Variants in TOPBP1 observed in about 807,000 individuals in gnomAD.
TOPBP1 encodes the protein DNA topoisomerase II binding protein 1, also known as DNA topoisomerase 2-binding protein 1.
In TOPBP1, 28 loss-of-function variants were observed where a neutral mutation model predicts 167.7. That is an observed-to-expected ratio of 0.17 (90% CI 0.12 to 0.23). The LOEUF (loss-of-function observed/expected upper bound fraction) is 0.23. Ranked by LOEUF, TOPBP1 falls within the 10% of genes least tolerant of loss-of-function variation. The pLI is 1.00. For synonymous variants in TOPBP1, 598 were observed against 611.4 expected, an observed-to-expected ratio of 0.98 and a Z score of 0.32; for missense variants, 1,554 against 1,809.6, an observed-to-expected ratio of 0.86 and a Z score of 2.56.
intron 23 of TOPBP1, among the ~76,000 whole-genome samples, chr3:133,614,140 A>C (rs1934780775): frequency 6.6e-6 from 1 of 152,164 alleles, no homozygotes; most frequent in Non-Finnish European, 1.5e-5. Flanking sequence ...CTCATGATTT[A>C]AGATGACTCT....
intron 14 of TOPBP1, among the ~76,000 whole-genome samples, chr3:133,634,402 G>A (rs928989922): frequency 4.6e-5 from 7 of 152,102 alleles, no homozygotes; most frequent in South Asian, 2.1e-4. Context: ...CCAGCTACTC[G>A]GGAGGCTGAG....
At chr3:133,635,231 T>G (rs1298317267) in intron 14 of TOPBP1, among the ~76,000 whole-genome samples, 1 of 152,150 alleles carries the variant, frequency 6.6e-6, no homozygotes, top group Non-Finnish European at 1.5e-5. Context: ...ATAACAGGCA[T>G]GAGCCACTAT....
chr3:133,616,122 C>CTTTTCT (rs750066310), intron 23 of TOPBP1, among the ~76,000 whole-genome samples: 20,088 of 141,182 alleles, frequency 0.14, 1,702 homozygotes, highest in Non-Finnish European at 0.2. Flanking sequence ...TTTCTTTTCC[C>CTTTTCT]TTTTTTTTTT....
rs562888192 is a variant in TOPBP1, at chr3:133,648,798, CA to C, written c.1504+584del. The stretch of plus-strand genomic sequence containing the variant: ...GCGCAACAAGAGCGAAATCCTGCTT[CA>C]AAAAAAAAAAAAGTTTTCTAAGGTT... On this transcript the variant is annotated intron_variant, in intron 10 of 27. Coordinates refer to ENST00000260810, the MANE Select transcript of TOPBP1 (RefSeq NM_007027.4). 2.6e-3 allele frequency among the ~76,000 whole-genome samples: 349 copies of C among 132,222 alleles called. 1 individual carries two copies. The highest frequency in any genetic ancestry group is 0.016 in the South Asian group (68 of 4,196). The allele number at this position is 132,222 out of a possible 152,430, so 86.7% of individuals were successfully genotyped here.
In TOPBP1 at chr3:133,659,093, A is replaced by T; in HGVS notation, c.142T>A (p.Leu48Met). 6.3e-7 allele frequency: 1 copy of T among 1,590,912 alleles called. No individual in the cohort carries two copies. The highest frequency in any genetic ancestry group is 8.6e-7 in the Non-Finnish European group (1 of 1,167,768). ...GATCTATCATTCTCCTTTATCTTCA[A>T]TGCCTCTTCTTCTGTAATAATCTGA... is the stretch of plus-strand genomic sequence containing the variant. ...YLQIITEEEA[L>M]KIKENDRSLY... The change falls in exon 3 of 28, where the codon TTG becomes ATG. Residue 48 changes from leucine (L) to methionine (M), a missense_variant. Physicochemically the swap from Leu to Met is conservative, Grantham distance 15 (BLOSUM62 2). This residue lies in a region of TOPBP1 where 1,197 missense variants were observed against 1,351.5 expected (regional missense o/e 0.89). Transcript: ENST00000260810.
Position 133,644,050 on chromosome 3 carries a change from A to C in TOPBP1, c.1818T>G (p.Thr606=). 1 of 1,607,624 alleles carries C rather than the reference A, an allele frequency of 6.2e-7. No individual in the cohort carries two copies. The highest frequency in any genetic ancestry group is 8.5e-7 in the Non-Finnish European group (1 of 1,177,400). Residue 606 remains threonine, a synonymous_variant, in exon 11 of 28, where the codon ACT becomes ACG. Coordinates refer to ENST00000260810, the MANE Select transcript of TOPBP1 (RefSeq NM_007027.4). The part of the protein sequence containing the change: ...VPLLGCEVEA[T]VGEVVTNTWL... ...ATGTATTTGTAACAACTTCTCCCACAGTGGCTTCCACTTCACACCCCAGCA... is the reference window on the plus strand; with the variant it reads ...ATGTATTTGTAACAACTTCTCCCACCGTGGCTTCCACTTCACACCCCAGCA...
intron 5 of TOPBP1, 34 bp downstream of exon 5, chr3:133,656,642 T>C (rs1236370344): frequency 1.3e-6 from 2 of 1,542,902 alleles, no homozygotes; most frequent in East Asian, 2.3e-5. Flanking sequence ...CATCATTTTT[T>C]CAAATCTAGA....
In TOPBP1 at chr3:133,653,383, T is replaced by C. The variant is rs760071224; in HGVS notation, c.884A>G (p.Asn295Ser). The change falls in exon 7 of 28, where the codon AAT (asparagine) becomes AGT (serine). Residue 295 changes from asparagine to serine, a missense_variant. Physicochemically the swap from Asn to Ser is conservative, Grantham distance 46. Transcript: ENST00000260810. ...EPRPEAKTMPNSSTPTSQINT... is the reference protein window; with the variant it reads ...EPRPEAKTMPSSSTPTSQINT... ...GATCTGGCTGGTAGGAGTTGAAGAATTGGGCATAGTCTTTGCTTCTGGTCT... is the reference window on the plus strand; with the variant it reads ...GATCTGGCTGGTAGGAGTTGAAGAACTGGGCATAGTCTTTGCTTCTGGTCT... The C allele has an allele frequency of 7.5e-6, 12 of 1,607,538 alleles. No individual in the cohort carries two copies. In the South Asian group the frequency reaches 1.1e-4, roughly 15 times the overall value.
chr3:133,653,576 G>A, intron 6 of TOPBP1, 52 bp from the exon 7 acceptor site: 2 of 1,367,874 alleles, frequency 1.5e-6, no homozygotes, highest in East Asian at 5.2e-5. Context: ...ACCAAGAAAT[G>A]AAAACCATTA....
At position 133,649,924 on chromosome 3, in the gene TOPBP1, C is replaced by G. The variant is rs575142521; in HGVS notation, c.1109G>C (p.Ser370Thr). 37 of 1,598,334 alleles carry G rather than the reference C, an allele frequency of 2.3e-5. No individual in the cohort carries two copies. In the South Asian group the frequency reaches 4.0e-4, roughly 17 times the overall value. ...DGCRIYLCGF[S>T]GRKLDKLRRL... ...TCTCAGTTTATCTAGCTTTCTGCCA[C>G]TAAAACCGCAAAGATATATCTGCAA... The change falls in exon 9 of 28, where the codon AGT (serine) becomes ACT (threonine). Residue 370 changes from serine (S) to threonine (T), a missense_variant. Coordinates refer to ENST00000260810, the MANE Select transcript of TOPBP1 (RefSeq NM_007027.4).
chr3:133,611,104 T>C lies in TOPBP1; in HGVS notation c.4073A>G (p.Asp1358Gly), dbSNP rs528235310. ...CTGTACATTGATTCCAGTCAGAACA[T>C]CAAGTATGGAACTACTTCCCCATTC... ...DYEWGSSSIL[D>G]VLTGINVQQR... Residue 1358 changes from aspartate to glycine, a missense_variant, in exon 25 of 28, where the codon GAT (aspartate) becomes GGT (glycine). Transcript: ENST00000260810. 6.2e-7 allele frequency: 1 copy of C among 1,613,148 alleles called. No homozygotes were observed. The highest frequency in any genetic ancestry group is 2.2e-5 in the East Asian group (1 of 44,866).
At chr3:133,608,383 T>C (rs1296187387) in intron 27 of TOPBP1, among the ~76,000 whole-genome samples, 152 bp downstream of exon 27, 3 of 152,110 alleles carry the variant, frequency 2.0e-5, no homozygotes, top group African/African-American at 7.2e-5. Flanking sequence ...AAAACACAAA[T>C]AGAATAAAAC....
intron 2 of TOPBP1, among the ~76,000 whole-genome samples, chr3:133,659,970 A>G (rs988677273): frequency 2.6e-5 from 4 of 152,134 alleles, no homozygotes; most frequent in Admixed American, 1.3e-4. Context: ...CTCCACTGAG[A>G]GAAAAATGGC....
chr3:133,610,175 T>C (rs192998572), intron 25 of TOPBP1, among the ~76,000 whole-genome samples: 160 of 149,840 alleles, frequency 1.1e-3, no homozygotes, highest in Admixed American at 2.0e-3. Flanking sequence ...ATTCCTTATA[T>C]CCCTGGGGTT....
intron 27 of TOPBP1, among the ~76,000 whole-genome samples, chr3:133,607,044 T>A (rs149224029): frequency 1.2e-4 from 19 of 152,254 alleles, no homozygotes; most frequent in Admixed American, 1.2e-3. Flanking sequence ...TACAATGTGC[T>A]CCCACTATAA....
chr3:133,601,475 C>G, intron 27 of TOPBP1, 82 bp from the exon 28 acceptor site: 1 of 1,084,736 alleles, frequency 9.2e-7, no homozygotes, highest in East Asian at 2.9e-5. Flanking sequence ...CTTTAAATCT[C>G]AGACCTCTCA....
At chr3:133,617,061 C>T in intron 22 of TOPBP1, 99 bp downstream of exon 22, 1 of 1,443,122 alleles carries the variant, frequency 6.9e-7, no homozygotes, top group Non-Finnish European at 9.3e-7. Flanking sequence ...AAATAGTTTT[C>T]AACATTTGAT....
chr3:133,641,730 T>C (rs913291496), intron 12 of TOPBP1, among the ~76,000 whole-genome samples: 1 of 152,228 alleles, frequency 6.6e-6, no homozygotes, highest in Non-Finnish European at 1.5e-5. Flanking sequence ...TCCTGCTGAG[T>C]ACAGCTTTAG....
At chr3:133,648,334 A>T (rs1936152346) in intron 10 of TOPBP1, among the ~76,000 whole-genome samples, 1 of 152,264 alleles carries the variant, frequency 6.6e-6, no homozygotes, top group Admixed American at 6.5e-5. Flanking sequence ...AGAACTGGGG[A>T]GAGCAAAGAA....
Sources: gnomAD v4.1 joint callset for allele counts (sites outside exome capture counted in the v4.1 genomes callset) on GRCh38, gnomAD v4.1.1 for gene constraint, gnomAD v4.1.1 regional missense constraint, MANE v1.5 for transcripts, NCBI Gene and HGNC (gene_info 2026-07-23, HGNC 2026-07-21) for gene names.